Variants in RAP1GDS1 observed in about 807,000 individuals in gnomAD.
RAP1GDS1 encodes the protein Rap1 GTPase-GDP dissociation stimulator 1.
In RAP1GDS1, 35 loss-of-function variants were observed where a neutral mutation model predicts 71.1. The ratio of observed to expected loss-of-function variants is 0.49; its 90% CI spans 0.38 to 0.65. The LOEUF (loss-of-function observed/expected upper bound fraction) is 0.65. Among genes scored for constraint, RAP1GDS1 ranks in the 30% least tolerant of loss-of-function variants. The pLI is 0.00. For synonymous variants in RAP1GDS1, 229 were observed against 243.1 expected (o/e 0.94, Z 0.54); for missense variants, 663 against 706.1 (o/e 0.94, Z 0.69).
At chr4:98,286,362 T>A (rs1158192314) in intron 1 of RAP1GDS1, among the ~76,000 whole-genome samples, 2 of 151,988 alleles carry the variant, frequency 1.3e-5, no homozygotes, top group Admixed American at 6.6e-5. Flanking sequence ...GCTCTCTCTG[T>A]GTAGAGCCTA....
At chr4:98,420,235 AT>A in intron 11 of RAP1GDS1, 91 bp downstream of exon 11, 1 of 1,209,288 alleles carries the variant, frequency 8.3e-7, no homozygotes, top group Non-Finnish European at 1.1e-6. Flanking sequence ...AGCTTTTAGG[AT>A]TATGTAATCA....
intron 5 of RAP1GDS1, among the ~76,000 whole-genome samples, chr4:98,387,769 C>T (rs1488568322): frequency 1.3e-5 from 2 of 152,120 alleles, no homozygotes; most frequent in African/African-American, 4.8e-5. Flanking sequence ...TAAGTGTTTG[C>T]TATGTATGGG....
At chr4:98,363,478 C>CAAAAAAAAAAAAAAAAAAAAAAA (rs34393905) in intron 4 of RAP1GDS1, among the ~76,000 whole-genome samples, 4 of 37,730 alleles carry the variant, frequency 1.1e-4, no homozygotes, top group African/African-American at 4.0e-4. Flanking sequence ...GACCCTGTCT[C>CAAAAAAAAAAAAAAAAAAAAAAA]AAAAAAAAAA....
At chr4:98,285,386 G>A (rs931845401) in intron 1 of RAP1GDS1, among the ~76,000 whole-genome samples, 4 of 152,058 alleles carry the variant, frequency 2.6e-5, no homozygotes, top group African/African-American at 9.7e-5. Flanking sequence ...AGTGCTGTGG[G>A]TTTTAACATA....
At chr4:98,394,311 A>C (rs1744191510) in intron 6 of RAP1GDS1, among the ~76,000 whole-genome samples, 1 of 152,142 alleles carries the variant, frequency 6.6e-6, no homozygotes. Flanking sequence ...GTCATCATCC[A>C]CTTCTCAAAT....
chr4:98,430,765 C>A (rs1478314688), intron 12 of RAP1GDS1, among the ~76,000 whole-genome samples: 1 of 152,182 alleles, frequency 6.6e-6, no homozygotes, highest in African/African-American at 2.4e-5. Flanking sequence ...GTATTACATT[C>A]CTGTAGATCC....
At chr4:98,324,783 A>G (rs1192287284) in intron 2 of RAP1GDS1, among the ~76,000 whole-genome samples, 1 of 149,606 alleles carries the variant, frequency 6.7e-6, no homozygotes, top group African/African-American at 2.5e-5. Flanking sequence ...AGATGGATTA[A>G]AGATTTAAAC....
At chr4:98,404,922 G>T (rs1288684534) in intron 7 of RAP1GDS1, among the ~76,000 whole-genome samples, 1 of 152,172 alleles carries the variant, frequency 6.6e-6, no homozygotes, top group African/African-American at 2.4e-5. Context: ...GGGGATAAAA[G>T]TTGGAGTCTC....
chr4:98,398,220 A>G (rs1744831478), intron 6 of RAP1GDS1, among the ~76,000 whole-genome samples: 1 of 145,866 alleles, frequency 6.9e-6, no homozygotes, highest in Admixed American at 6.9e-5. Context: ...TAGTTGTACG[A>G]GTAAAGGAAA....
rs2110236144 is a variant in RAP1GDS1, at chr4:98,442,424, C to T, written c.*307C>T. 1 of 267,918 alleles carries T rather than the reference C, an allele frequency of 3.7e-6. No individual in the cohort carries two copies. The highest frequency in any genetic ancestry group is 2.1e-5 in the African/African-American group (1 of 46,704). The allele number at this position is 267,918 out of a possible 1,614,324, so 16.6% of individuals were successfully genotyped here. On this transcript the variant is annotated 3_prime_UTR_variant, in exon 15 of 15. Transcript: ENST00000408927. The stretch of plus-strand genomic sequence containing the variant: ...ATGTAAACTTGGTACTACATAATGA[C>T]TTGCTCCACACATGCAGTAAACTAC...
chr4:98,399,517 C>T (rs1395070564), intron 6 of RAP1GDS1, among the ~76,000 whole-genome samples: 1 of 152,102 alleles, frequency 6.6e-6, no homozygotes, highest in Non-Finnish European at 1.5e-5. Context: ...TGGTCTTGAA[C>T]TCCTGGGCTC....
At chr4:98,378,656 A>G (rs1397860536) in intron 4 of RAP1GDS1, among the ~76,000 whole-genome samples, 5 of 151,986 alleles carry the variant, frequency 3.3e-5, no homozygotes, top group African/African-American at 7.2e-5. Context: ...AACTTATATC[A>G]ATAGAATATC....
chr4:98,419,877 T>C (rs1578821119), intron 10 of RAP1GDS1, 142 bp from the exon 11 acceptor site: 1 of 895,530 alleles, frequency 1.1e-6, no homozygotes, highest in South Asian at 2.7e-5. Context: ...ATTCTTAAAA[T>C]TGACAAAAAA....
rs565965595 is a variant in RAP1GDS1, at chr4:98,393,294, G to GTCAT, written c.637+1217_637+1220dup. ...ATTATTAAAGTTATTTTTAGTAAAA[G>GTCAT]TCATTCTTACTCAATGGGTCATATC... On this transcript the variant is annotated intron_variant, in intron 6 of 14. Transcript: ENST00000408927. Among the ~76,000 whole-genome samples the GTCAT allele has an allele frequency of 9.2e-5, 14 of 152,270 alleles. No individual in the cohort carries two copies. The East Asian group carries it at 2.7e-3, about 29-fold the overall frequency.
At chr4:98,319,150 A>G (rs1387263861) in intron 2 of RAP1GDS1, among the ~76,000 whole-genome samples, 1 of 152,204 alleles carries the variant, frequency 6.6e-6, no homozygotes, top group Non-Finnish European at 1.5e-5. Context: ...ACTAAACTAT[A>G]AACTCTTTCA....
At chr4:98,424,210 C>T (rs1393081420) in intron 12 of RAP1GDS1, among the ~76,000 whole-genome samples, 1 of 152,126 alleles carries the variant, frequency 6.6e-6, no homozygotes, top group Admixed American at 6.5e-5. Context: ...AGCTAACACT[C>T]CCTAAACTTG....
At chr4:98,369,256 C>T (rs1195123164) in intron 4 of RAP1GDS1, among the ~76,000 whole-genome samples, 1 of 152,140 alleles carries the variant, frequency 6.6e-6, no homozygotes, top group Non-Finnish European at 1.5e-5. Context: ...GGGGACACAG[C>T]CAGACCATAT....
At chr4:98,313,698 T>C (rs1207136396) in intron 2 of RAP1GDS1, among the ~76,000 whole-genome samples, 1 of 151,922 alleles carries the variant, frequency 6.6e-6, no homozygotes, top group African/African-American at 2.4e-5. Flanking sequence ...ATTTAAAACA[T>C]TGGCCAGGCA....
chr4:98,304,707 A>G (rs62425696), intron 2 of RAP1GDS1, among the ~76,000 whole-genome samples: 1 of 151,732 alleles, frequency 6.6e-6, no homozygotes, highest in East Asian at 1.9e-4. Flanking sequence ...ATTAGATCCC[A>G]TTTGTCAATT....
Sources: allele counts gnomAD v4.1 joint callset (sites outside exome capture counted in the v4.1 genomes callset), GRCh38; gene constraint gnomAD v4.1.1; transcripts MANE v1.5; gene names NCBI Gene and HGNC (gene_info 2026-07-23, HGNC 2026-07-21).